The following RAP1B variants were observed in gnomAD, a reference collection of about 807,000 sequenced individuals.
RAP1B encodes the protein RAP1B, member of RAS oncogene family, also known as ras-related protein Rap-1b.
Under a neutral mutation model 27.5 loss-of-function variants are expected in RAP1B, and 1 was observed. The observed-to-expected ratio is 0.04, with a 90% CI of 0.01 to 0.17. The LOEUF is 0.17. Among genes scored for constraint, RAP1B ranks in the 10% least tolerant of loss-of-function variants. The pLI is 1.00. For missense variants in RAP1B, 84 were observed against 214.8 expected (o/e 0.39, Z 3.81); for synonymous variants, 75 against 73.1 (o/e 1.03, Z -0.13).
intron 1 of RAP1B, among the ~76,000 whole-genome samples, chr12:68,633,377 TA>T (rs1461947115): frequency 6.6e-6 from 1 of 152,178 alleles, no homozygotes; most frequent in Non-Finnish European, 1.5e-5. Flanking sequence ...GGTAGTTCTT[TA>T]TAGATAGACA....
chr12:68,653,997 A>T, intron 4 of RAP1B, 115 bp from the exon 5 acceptor site: 1 of 892,682 alleles, frequency 1.1e-6, no homozygotes. Flanking sequence ...TAATTTTAAC[A>T]AAGTTACATA....
At chr12:68,616,610 T>G (rs972019985) in intron 1 of RAP1B, among the ~76,000 whole-genome samples, 1 of 151,964 alleles carries the variant, frequency 6.6e-6, no homozygotes, top group Non-Finnish European at 1.5e-5. Flanking sequence ...AGTTTTGTAT[T>G]TTTAGTAGAG....
chr12:68,637,599 CAAAAAAAAAAAAAAAAAAA>C (rs58656248), intron 1 of RAP1B, among the ~76,000 whole-genome samples: 1 of 34,234 alleles, frequency 2.9e-5, no homozygotes, highest in Admixed American at 5.3e-4. Context: ...AACTCCATCT[CAAAAAAAAAAAAAAAAAAA>C]AAAAAAAAAA....
chr12:68,648,796 C>CT lies in RAP1B; in HGVS notation c.57+18dup, dbSNP rs1284262879. 1.9e-6 allele frequency: 3 copies of CT among 1,603,738 alleles called. No homozygotes were observed. The highest frequency in any genetic ancestry group is 2.6e-6 in the Non-Finnish European group (3 of 1,175,808). On this transcript the variant is annotated intron_variant, in intron 2 of 7. Transcript: ENST00000250559. ...AGTCTGCTTTGGTAAGTCATTCTTA[C>CT]TTTACCTAAGCCTTTCACTCCAAGA...
Position 68,654,114 on chromosome 12 carries a change from G to A in RAP1B, c.186G>A (p.Glu62=). 1 of 1,583,420 alleles carries A rather than the reference G, an allele frequency of 6.3e-7. No homozygotes were observed. The highest frequency in any genetic ancestry group is 8.6e-7 in the Non-Finnish European group (1 of 1,157,184). Residue 62 remains glutamate, a splice_region_variant and synonymous_variant, in exon 5 of 8, where the codon GAG becomes GAA. Coordinates refer to ENST00000250559, the MANE Select transcript of RAP1B (RefSeq NM_001010942.3). The part of the protein sequence containing the change: ...MLEILDTAGT[E]QFTAMRDLYM... ...ACGTTCCTTTCTTTCTATTGTAGGA[G>A]CAATTTACAGCAATGAGGGATTTAT...
At chr12:68,637,319 C>T (rs1055451963) in intron 1 of RAP1B, among the ~76,000 whole-genome samples, 11 of 152,022 alleles carry the variant, frequency 7.2e-5, no homozygotes, top group Non-Finnish European at 1.3e-4. Context: ...GCCTAGAGGC[C>T]GAGTGCAGTG....
intron 1 of RAP1B, among the ~76,000 whole-genome samples, chr12:68,612,117 G>A (rs1264050032): frequency 1.3e-5 from 2 of 152,174 alleles, no homozygotes; most frequent in Admixed American, 1.3e-4. Flanking sequence ...GTAGAAAGTT[G>A]ACACTAAATG....
intron 1 of RAP1B, among the ~76,000 whole-genome samples, chr12:68,640,463 A>G (rs1292665523): frequency 1.3e-5 from 2 of 152,126 alleles, no homozygotes; most frequent in African/African-American, 4.8e-5. Context: ...AGTGCCTAAC[A>G]TATATTAGGT....
chr12:68,633,849 A>C (rs759845802), intron 1 of RAP1B, among the ~76,000 whole-genome samples: 5 of 152,196 alleles, frequency 3.3e-5, no homozygotes, highest in Admixed American at 6.5e-5. Context: ...CAGCCTGGGC[A>C]ATACAGTAAG....
chr12:68,636,752 C>A (rs1439491396), intron 1 of RAP1B, among the ~76,000 whole-genome samples: 1 of 151,688 alleles, frequency 6.6e-6, no homozygotes. Flanking sequence ...AGTCTCTGTT[C>A]AAGCAATTCT....
chr12:68,636,044 A>AC (rs1555171947), intron 1 of RAP1B, among the ~76,000 whole-genome samples: 21 of 141,694 alleles, frequency 1.5e-4, no homozygotes, highest in Non-Finnish European at 2.6e-4. Context: ...ACATTCGAGT[A>AC]TTTTTTTTTT....
chr12:68,638,081 C>G (rs375815294), intron 1 of RAP1B, among the ~76,000 whole-genome samples: 2 of 152,116 alleles, frequency 1.3e-5, no homozygotes, highest in Non-Finnish European at 2.9e-5. Flanking sequence ...AGGATTAAAG[C>G]AGTCTTTAAA....
chr12:68,649,344 CTCTT>C (rs1873648123), intron 2 of RAP1B: 1 of 152,670 alleles, frequency 6.6e-6, no homozygotes, highest in Non-Finnish European at 1.5e-5. Context: ...GCCTGGCTTG[CTCTT>C]TCTTCTTATG....
chr12:68,628,420 T>A (rs1295961496), intron 1 of RAP1B, among the ~76,000 whole-genome samples: 8 of 152,228 alleles, frequency 5.3e-5, no homozygotes, highest in African/African-American at 1.9e-4. Context: ...CATTCTCTAG[T>A]TTTCCACAGT....
intron 1 of RAP1B, among the ~76,000 whole-genome samples, chr12:68,626,600 C>T (rs1871797848): frequency 6.6e-6 from 1 of 152,110 alleles, no homozygotes; most frequent in South Asian, 2.1e-4. Context: ...TATTAATAAT[C>T]TGATTTCTGG....
rs75412734 is a variant in RAP1B, at chr12:68,656,578, A to C, written c.468+129A>C. The C allele has an allele frequency of 6.1e-5, 52 of 851,002 alleles. No individual in the cohort carries two copies. The African/African-American group carries it at 6.4e-4, about 10-fold the overall frequency. The allele number at this position is 851,002 out of a possible 1,614,324, so 52.7% of individuals were successfully genotyped here. ...TTGATGTTACAGGCAAAAAAAAAAA[A>C]CCCTCATGTTAAATGTATCTATGTA... On this transcript the variant is annotated intron_variant, in intron 6 of 7. Coordinates refer to ENST00000250559, the MANE Select transcript of RAP1B (RefSeq NM_001010942.3).
chr12:68,659,891 CTG>C lies in RAP1B; in HGVS notation c.*644_*645del. ...AGATTAAAGACGTTGCCTTTAATATCTGTTGGGAAGGAAATGTCCAGACTTTT... is the reference window on the plus strand; with the variant it reads ...AGATTAAAGACGTTGCCTTTAATATCTTGGGAAGGAAATGTCCAGACTTTT... On this transcript the variant is annotated 3_prime_UTR_variant, in exon 8 of 8. Coordinates refer to ENST00000250559, the MANE Select transcript of RAP1B (RefSeq NM_001010942.3). 6.6e-6 allele frequency: 1 copy of C among 151,568 alleles called. No homozygotes were observed. Among genetic ancestry groups the C allele is most frequent in the Non-Finnish European group, 1.5e-5 (1 of 67,856 alleles). The allele number at this position is 151,568 out of a possible 1,614,324, so 9.4% of individuals were successfully genotyped here. A position where few individuals can be genotyped will look rare whatever the true frequency, so the allele number is the denominator to read the frequency against.
At chr12:68,654,324 T>A in intron 5 of RAP1B, 72 bp downstream of exon 5, 4 of 598,550 alleles carry the variant, frequency 6.7e-6, no homozygotes, top group Non-Finnish European at 9.5e-6. Flanking sequence ...TAAATTTAAA[T>A]TCATTTTAAA....
chr12:68,633,013 A>G (rs766464350), intron 1 of RAP1B, among the ~76,000 whole-genome samples: 4 of 152,200 alleles, frequency 2.6e-5, no homozygotes, highest in Admixed American at 6.5e-5. Flanking sequence ...GTACAATACA[A>G]GCTATTCACT....
Sources: allele counts gnomAD v4.1 joint callset (sites outside exome capture counted in the v4.1 genomes callset), GRCh38; gene constraint gnomAD v4.1.1; transcripts MANE v1.5; gene names NCBI Gene and HGNC (gene_info 2026-07-23, HGNC 2026-07-21).